The following CCDC63 variants were observed in gnomAD, a reference collection of about 807,000 sequenced individuals.
CCDC63 encodes coiled-coil domain-containing protein 63.
CCDC63 carries 54 observed loss-of-function variants against 63.6 expected under a neutral mutation model. The observed-to-expected ratio is 0.85, with a 90% CI of 0.68 to 1.07. The LOEUF is 1.07. CCDC63 is among the 50% of genes least tolerant of loss of function. CCDC63 has a pLI of 0.00. For missense variants in CCDC63, 637 were observed against 689.6 expected, an observed-to-expected ratio of 0.92 and a Z score of 0.86; for synonymous variants, 253 against 266.1, an observed-to-expected ratio of 0.95 and a Z score of 0.48.
Position 110,904,793 on chromosome 12 carries a change from T to G in CCDC63, c.1546+2T>G, listed in dbSNP as rs777701219. On this transcript the variant is annotated splice_donor_variant, in intron 11 of 11. Coordinates refer to ENST00000308208, the MANE Select transcript of CCDC63 (RefSeq NM_152591.3). LOFTEE classifies it high-confidence loss of function. ...CCTTCAGCGACAGGTTGGATGATGG[T>G]GAGTTCTCTCTCTCTCAATCTGCAC... The G allele has an allele frequency of 5.6e-6, 9 of 1,604,560 alleles. No homozygotes were observed. Among genetic ancestry groups the G allele is most frequent in the Non-Finnish European group, 7.7e-6 (9 of 1,175,808 alleles).
chr12:110,880,126 A>G (rs1300303071), intron 6 of CCDC63, 39 bp downstream of exon 6: 1 of 1,579,892 alleles, frequency 6.3e-7, no homozygotes, highest in South Asian at 1.1e-5. Context: ...GAGGTCTCTT[A>G]GCCCCTTGCT....
At chr12:110,879,404 TC>T (rs2071170476) in intron 5 of CCDC63, among the ~76,000 whole-genome samples, 1 of 152,170 alleles carries the variant, frequency 6.6e-6, no homozygotes, top group South Asian at 2.1e-4. Context: ...GTATTTAATA[TC>T]CCACAAAGCA....
At chr12:110,866,744 C>T (rs1453172444) in intron 4 of CCDC63, among the ~76,000 whole-genome samples, 2 of 147,918 alleles carry the variant, frequency 1.4e-5, no homozygotes, top group Non-Finnish European at 3.0e-5. Flanking sequence ...GGCAACCATC[C>T]GATTTCTCAA....
intron 4 of CCDC63, among the ~76,000 whole-genome samples, chr12:110,867,626 C>T (rs2070985510): frequency 1.5e-5 from 2 of 132,338 alleles, no homozygotes; most frequent in Non-Finnish European, 3.3e-5. Flanking sequence ...GGCAGAGGGG[C>T]TCCTCACTTC....
rs1156821482 is a variant in CCDC63, at chr12:110,889,700, C to T, written c.1075-3376C>T. Among the ~76,000 whole-genome samples the T allele has an allele frequency of 6.6e-6, 1 of 152,120 alleles. No individual in the cohort carries two copies. The highest frequency in any genetic ancestry group is 2.4e-5 in the African/African-American group (1 of 41,430). ...GCAGGGGCCATGGGAGATCTCCGAG[C>T]AGGGGAGCGGTGCCATCGACTCAGG... On this transcript the variant is annotated intron_variant, in intron 8 of 11. Coordinates refer to ENST00000308208, the MANE Select transcript of CCDC63 (RefSeq NM_152591.3). This position sits in a 1 kb window ranked among gnomAD's most constrained non-coding sequence, Gnocchi z 4.1.
intron 4 of CCDC63, among the ~76,000 whole-genome samples, chr12:110,867,807 C>T (rs2070991614): frequency 1.3e-5 from 2 of 150,558 alleles, no homozygotes; most frequent in Admixed American, 1.3e-4. Flanking sequence ...AGGGGCTCCT[C>T]ACTTCCCAGT....
chr12:110,869,389 T>C (rs1272051389), intron 4 of CCDC63, among the ~76,000 whole-genome samples: 1 of 152,164 alleles, frequency 6.6e-6, no homozygotes, highest in Non-Finnish European at 1.5e-5. Flanking sequence ...TCTCAGAGCT[T>C]AGTCTCAGCC....
At chr12:110,903,961 GA>G (rs2071524212) in intron 10 of CCDC63, among the ~76,000 whole-genome samples, 2 of 152,160 alleles carry the variant, frequency 1.3e-5, no homozygotes, top group Admixed American at 6.5e-5. Flanking sequence ...AGCCTCTCTA[GA>G]CATATTTTCC....
At chr12:110,876,434 C>T (rs1312015100) in intron 5 of CCDC63, among the ~76,000 whole-genome samples, 2 of 152,154 alleles carry the variant, frequency 1.3e-5, no homozygotes, top group South Asian at 2.1e-4. Flanking sequence ...AGAGCTCAGA[C>T]TAGCAGAAGC....
In CCDC63 at chr12:110,904,621, TGTTGGAGACCTACAG is replaced by T. The variant is rs768700196; in HGVS notation, c.1378_1392del (p.Leu460_Arg464del). ...GAAAAGAAGACCAACGACCTGCTGCTGTTGGAGACCTACAGGCGCATCCTGGAAGTGGAAGGGGCA... is the reference window on the plus strand; with the variant it reads ...GAAAAGAAGACCAACGACCTGCTGCTGCGCATCCTGGAAGTGGAAGGGGCA... On this transcript the variant is annotated inframe_deletion, in exon 11 of 12. Transcript: ENST00000308208. 2 of 1,614,096 alleles carry T rather than the reference TGTTGGAGACCTACAG, an allele frequency of 1.2e-6. No homozygotes were observed. Among genetic ancestry groups the T allele is most frequent in the African/African-American group, 2.7e-5 (2 of 75,012 alleles).
chr12:110,846,143 G>A (rs1305465668), upstream of CCDC63, among the ~76,000 whole-genome samples: 2 of 152,074 alleles, frequency 1.3e-5, no homozygotes, highest in African/African-American at 2.4e-5. Flanking sequence ...CCTGTCCCAA[G>A]AATTTACGGA....
intron 4 of CCDC63, among the ~76,000 whole-genome samples, chr12:110,859,287 C>A (rs1025699486): frequency 6.6e-6 from 1 of 151,894 alleles, no homozygotes; most frequent in Non-Finnish European, 1.5e-5. Context: ...ATTGAATATT[C>A]CAGTCTGGAA....
chr12:110,862,486 C>A (rs2070868518), intron 4 of CCDC63, among the ~76,000 whole-genome samples: 1 of 152,204 alleles, frequency 6.6e-6, no homozygotes, highest in Non-Finnish European at 1.5e-5. Context: ...GAGAATGTCT[C>A]CCATTGTGCA....
At chr12:110,872,037 T>TA (rs1273572273) in intron 4 of CCDC63, among the ~76,000 whole-genome samples, 1 of 152,212 alleles carries the variant, frequency 6.6e-6, no homozygotes, top group Non-Finnish European at 1.5e-5. Flanking sequence ...ATGCCTTAAT[T>TA]ATAATATAAG....
At chr12:110,892,908 GA>G (rs906138405) in intron 8 of CCDC63, among the ~76,000 whole-genome samples, 167 bp from the exon 9 acceptor site, 3 of 151,012 alleles carry the variant, frequency 2.0e-5, no homozygotes, top group Admixed American at 2.0e-4. Flanking sequence ...AACATCAGAA[GA>G]AAAAAAAATA....
intron 4 of CCDC63, among the ~76,000 whole-genome samples, chr12:110,867,760 C>A (rs1230372995): frequency 7.1e-6 from 1 of 141,254 alleles, no homozygotes; most frequent in Non-Finnish European, 1.6e-5. Context: ...GGCTGACCCC[C>A]CCATCTCCCT....
intron 7 of CCDC63, among the ~76,000 whole-genome samples, chr12:110,883,274 G>T (rs955981098): frequency 2.0e-5 from 3 of 152,132 alleles, no homozygotes; most frequent in Non-Finnish European, 2.9e-5. Context: ...TTGACCTCGT[G>T]ATCCACCTGC....
chr12:110,878,209 CAT>C lies in CCDC63; in HGVS notation c.490-1689_490-1688del, dbSNP rs558360251. 6.7e-3 allele frequency among the ~76,000 whole-genome samples: 1,023 copies of C among 152,202 alleles called. 17 individuals are homozygous for C. The highest frequency in any genetic ancestry group is 0.023 in the African/African-American group (970 of 41,514). On this transcript the variant is annotated intron_variant, in intron 5 of 11. Transcript: ENST00000308208. ...ACACATATGTATCCACATATACATA[CAT>C]ATATATACCTATATGCATATATGTA...
At chr12:110,865,748 G>A (rs1593652799) in intron 4 of CCDC63, among the ~76,000 whole-genome samples, 1 of 152,194 alleles carries the variant, frequency 6.6e-6, no homozygotes, top group Non-Finnish European at 1.5e-5. Context: ...AGCTAAGGGT[G>A]GACAGTGAGT....
Sources: allele counts gnomAD v4.1 joint callset (sites outside exome capture counted in the v4.1 genomes callset), GRCh38; gene constraint gnomAD v4.1.1; non-coding constraint Gnocchi (gnomAD v3.1); transcripts MANE v1.5; gene names NCBI Gene and HGNC (gene_info 2026-07-23, HGNC 2026-07-21).